The following ADAMTSL1 variants were observed in gnomAD, a reference collection of about 807,000 sequenced individuals.
ADAMTSL1 encodes the protein ADAMTS like 1.
ADAMTSL1 carries 126 observed loss-of-function variants against 201.8 expected under a neutral mutation model. That is an observed-to-expected ratio of 0.62 (90% CI 0.54 to 0.72). The LOEUF is 0.72. ADAMTSL1 is among the 30% of genes least tolerant of loss of function. The probability of loss-of-function intolerance (pLI) is 0.00; values close to 1 mark genes in which losing one functional copy is unlikely to be tolerated. For synonymous variants in ADAMTSL1, 1,121 were observed against 903.4 expected, an observed-to-expected ratio of 1.24 and a Z score of -4.32; for missense variants, 2,679 against 2,277.8, an observed-to-expected ratio of 1.18 and a Z score of -3.59.
At chr9:18,134,644 CA>C (rs1157518012) in intron 1 of ADAMTSL1, among the ~76,000 whole-genome samples, 1 of 152,156 alleles carries the variant, frequency 6.6e-6, no homozygotes, top group Non-Finnish European at 1.5e-5. Context: ...GTAATGTACT[CA>C]AAACTTGCCA....
chr9:17,999,887 GAAT>G (rs1449758577), intron 1 of ADAMTSL1, among the ~76,000 whole-genome samples: 1 of 149,800 alleles, frequency 6.7e-6, no homozygotes, highest in Non-Finnish European at 1.5e-5. Flanking sequence ...AGTTTACTGA[GAAT>G]GATGATTTCC....
At chr9:18,357,895 G>A (rs986262537) in intron 2 of ADAMTSL1, among the ~76,000 whole-genome samples, 8 of 152,040 alleles carry the variant, frequency 5.3e-5, no homozygotes, top group African/African-American at 1.7e-4. Context: ...CCAGCTCTCT[G>A]CATATCCCTA....
intron 2 of ADAMTSL1, among the ~76,000 whole-genome samples, chr9:18,256,675 C>G (rs149124978): frequency 6.6e-6 from 1 of 152,132 alleles, no homozygotes; most frequent in South Asian, 2.1e-4. Context: ...AATTCTGGAA[C>G]CTACTAGCCT....
At chr9:18,216,411 A>G (rs1305315000) in intron 2 of ADAMTSL1, among the ~76,000 whole-genome samples, 1 of 152,196 alleles carries the variant, frequency 6.6e-6, no homozygotes, top group African/African-American at 2.4e-5. Flanking sequence ...TTTCACCACA[A>G]TTCTTTTGCA....
At chr9:18,075,100 C>G (rs898154667) in intron 1 of ADAMTSL1, among the ~76,000 whole-genome samples, 2 of 152,168 alleles carry the variant, frequency 1.3e-5, no homozygotes, top group African/African-American at 4.8e-5. Context: ...TCACTTCCCT[C>G]TTTCCCTTCT....
intron 4 of ADAMTSL1, among the ~76,000 whole-genome samples, chr9:18,577,250 C>G (rs762841659): frequency 6.6e-6 from 1 of 152,130 alleles, no homozygotes; most frequent in Non-Finnish European, 1.5e-5. Context: ...TTTTGGTAGG[C>G]TGAGGAGGGC....
At chr9:18,244,142 C>T (rs535592481) in intron 2 of ADAMTSL1, among the ~76,000 whole-genome samples, 1 of 151,374 alleles carries the variant, frequency 6.6e-6, no homozygotes, top group East Asian at 1.9e-4. Flanking sequence ...CAATTCATAG[C>T]TGCCTACAAC....
intron 2 of ADAMTSL1, among the ~76,000 whole-genome samples, chr9:18,359,939 T>G (rs1836443279): frequency 6.6e-6 from 1 of 151,488 alleles, no homozygotes; most frequent in Admixed American, 6.6e-5. Context: ...GCCTCATCAG[T>G]GTCCTCAGCT....
chr9:18,102,531 A>G (rs560943181), intron 1 of ADAMTSL1, among the ~76,000 whole-genome samples: 2 of 152,202 alleles, frequency 1.3e-5, no homozygotes, highest in Non-Finnish European at 2.9e-5. Flanking sequence ...GGATTCAGAA[A>G]GGTCCACAAA....
intron 2 of ADAMTSL1, among the ~76,000 whole-genome samples, chr9:18,266,829 C>G (rs1446399289): frequency 2.0e-5 from 3 of 152,050 alleles, no homozygotes; most frequent in Non-Finnish European, 4.4e-5. Context: ...TTTCTCCAGA[C>G]AGATGAAAAA....
intron 2 of ADAMTSL1, among the ~76,000 whole-genome samples, chr9:18,285,047 A>G (rs571398517): frequency 6.6e-6 from 1 of 152,312 alleles, no homozygotes; most frequent in East Asian, 1.9e-4. Context: ...TGATTTTCTT[A>G]GGGTAAATCC....
intron 2 of ADAMTSL1, among the ~76,000 whole-genome samples, chr9:18,248,336 C>T (rs929133197): frequency 2.6e-5 from 4 of 152,226 alleles, no homozygotes; most frequent in East Asian, 1.9e-4. Flanking sequence ...CTGTGGATTA[C>T]GCGGTATGTA....
At chr9:17,915,380 A>T (rs1456524739) in intron 1 of ADAMTSL1, among the ~76,000 whole-genome samples, 1 of 152,148 alleles carries the variant, frequency 6.6e-6, no homozygotes, top group Non-Finnish European at 1.5e-5. Flanking sequence ...CTGTTATAGC[A>T]TGTATCAATA....
chr9:18,291,745 TCTCACACA>T lies in ADAMTSL1; in HGVS notation c.207+127766_207+127773del, dbSNP rs1486507226. ...CTCTCTCTCTCTCTCTCTCTCTCTC[TCTCACACA>T]CACACACACACACACACACACACAC... On this transcript the variant is annotated intron_variant, in intron 2 of 29. Transcript: ENST00000680146. 5.2e-3 allele frequency among the ~76,000 whole-genome samples: 574 copies of T among 111,020 alleles called. 4 individuals carry two copies. The highest frequency in any genetic ancestry group is 0.019 in the African/African-American group (550 of 28,472). 72.8% of individuals were successfully genotyped at this position (111,020 alleles called of 152,430 possible).
chr9:18,896,710 A>T (rs1461635271), intron 26 of ADAMTSL1, among the ~76,000 whole-genome samples: 1 of 152,160 alleles, frequency 6.6e-6, no homozygotes, highest in African/African-American at 2.4e-5. Flanking sequence ...CTTCTCCTAC[A>T]TATCTTTGCA....
At chr9:18,639,847 A>G (rs544409688) in intron 7 of ADAMTSL1, among the ~76,000 whole-genome samples, 2 of 152,272 alleles carry the variant, frequency 1.3e-5, no homozygotes, top group South Asian at 4.1e-4. Flanking sequence ...TGCTGGCAAG[A>G]AAACTAAGTT....
At chr9:18,801,142 CAG>C (rs1822773461) in intron 20 of ADAMTSL1, among the ~76,000 whole-genome samples, 1 of 152,148 alleles carries the variant, frequency 6.6e-6, no homozygotes, top group South Asian at 2.1e-4. Context: ...GCCAACTAAA[CAG>C]AATTTCAAGG....
At chr9:18,563,926 A>G (rs1214446206) in intron 3 of ADAMTSL1, among the ~76,000 whole-genome samples, 1 of 152,206 alleles carries the variant, frequency 6.6e-6, no homozygotes, top group Non-Finnish European at 1.5e-5. Context: ...ATTTCAAGCC[A>G]GTGGATCTTA....
At chr9:18,612,898 C>T (rs111910702) in intron 4 of ADAMTSL1, among the ~76,000 whole-genome samples, 7,392 of 152,076 alleles carry the variant, frequency 0.049, 256 homozygotes, top group East Asian at 0.2. Flanking sequence ...TTCTACACAG[C>T]GAAAGAAACT....
Sources: allele counts gnomAD v4.1 joint callset (sites outside exome capture counted in the v4.1 genomes callset), GRCh38; gene constraint gnomAD v4.1.1; transcripts MANE v1.5; gene names NCBI Gene and HGNC (gene_info 2026-07-23, HGNC 2026-07-21).